Variants in NRK observed in about 807,000 individuals in gnomAD.
NRK encodes the protein nik-related protein kinase.
In NRK, 67 loss-of-function variants were observed where a neutral mutation model predicts 125.2. The observed-to-expected ratio is 0.54, with a 90% CI of 0.44 to 0.66. The LOEUF (loss-of-function observed/expected upper bound fraction) is 0.66. NRK is among the 30% of genes least tolerant of loss of function. The pLI, the probability that NRK is intolerant of heterozygous loss-of-function variation, is 0.00. For synonymous variants in NRK, 458 were observed against 429.0 expected (o/e 1.07, Z -0.84); for missense variants, 1,224 against 1,192.9 (o/e 1.03, Z -0.38).
intron 2 of NRK, among the ~76,000 whole-genome samples, chrX:105,877,098 T>C (rs1033581191): frequency 1.8e-5 from 2 of 111,942 alleles, no homozygotes; most frequent in African/African-American, 3.2e-5. Flanking sequence ...AGATATCATG[T>C]ACCCCTGATA....
intron 14 of NRK, among the ~76,000 whole-genome samples, chrX:105,913,727 G>A (rs2040330538): frequency 9.0e-6 from 1 of 110,974 alleles, no homozygotes; most frequent in South Asian, 3.7e-4. Flanking sequence ...CAAAAATATT[G>A]TACATTAAAA....
intron 2 of NRK, among the ~76,000 whole-genome samples, chrX:105,831,869 C>T (rs2039197693): frequency 8.9e-6 from 1 of 111,906 alleles, no homozygotes; most frequent in Non-Finnish European, 1.9e-5. Flanking sequence ...AATGTACAGA[C>T]TTTTGTTCTT....
At chrX:105,926,973 T>C (rs367868659) in intron 19 of NRK, among the ~76,000 whole-genome samples, 15 of 111,563 alleles carry the variant, frequency 1.3e-4, no homozygotes, top group African/African-American at 4.9e-4. Context: ...AGGTCTTTTT[T>C]GGTTCCATGC....
At chrX:105,880,764 C>T (rs924169349) in intron 3 of NRK, among the ~76,000 whole-genome samples, 3 of 111,507 alleles carry the variant, frequency 2.7e-5, no homozygotes, top group East Asian at 2.8e-4. Context: ...TAATTGGCAC[C>T]GTTCCTGGTA....
chrX:105,890,454 A>G (rs2040002802), intron 5 of NRK, among the ~76,000 whole-genome samples: 1 of 112,194 alleles, frequency 8.9e-6, no homozygotes, highest in Non-Finnish European at 1.9e-5. Context: ...CTCTACTGAC[A>G]CTAATTTATT....
At chrX:105,888,529 A>T (rs959161289) in intron 5 of NRK, 110 bp downstream of exon 5, 2 of 630,360 alleles carry the variant, frequency 3.2e-6, no homozygotes, top group African/African-American at 4.6e-5. Context: ...TTAGCACACA[A>T]CTGTTAAGGT....
At chrX:105,885,282 C>T (rs2039929374) in intron 4 of NRK, among the ~76,000 whole-genome samples, 1 of 111,894 alleles carries the variant, frequency 8.9e-6, no homozygotes, top group African/African-American at 3.2e-5. Flanking sequence ...AGTACAGAAT[C>T]ACTTCCTGAG....
intron 28 of NRK, among the ~76,000 whole-genome samples, chrX:105,953,436 CATT>C (rs1442165239): frequency 1.8e-5 from 2 of 111,702 alleles, no homozygotes; most frequent in Non-Finnish European, 3.8e-5. Context: ...AAAGCTTAGC[CATT>C]ATTTTATTTG....
rs769090949 is a variant in NRK, at chrX:105,895,426, T to G, written c.490-7T>G. The G allele has an allele frequency of 8.6e-7, 1 of 1,167,921 alleles. No homozygotes were observed. Among genetic ancestry groups the G allele is most frequent in the Non-Finnish European group, 1.2e-6 (1 of 858,181 alleles). On this transcript the variant is annotated splice_region_variant and splice_polypyrimidine_tract_variant and intron_variant, in intron 6 of 28. Transcript: ENST00000243300. ...TACTGATGTGGCTTTTTAAAAAATA[T>G]ATACAGGGCTTAGCTCACCTTCACG...
intron 16 of NRK, 117 bp from the exon 17 acceptor site, chrX:105,921,847 A>G: frequency 5.3e-6 from 2 of 374,665 alleles, no homozygotes; most frequent in East Asian, 8.0e-5. Context: ...TGGAATCATA[A>G]AAATGACCAA....
rs2039117161 is a variant in NRK, at chrX:105,826,676, G to A, written c.57+3774G>A. On this transcript the variant is annotated intron_variant, in intron 1 of 28. Transcript: ENST00000243300. Reference sequence around the variant, plus strand: ...CAAAAACTATATTTGAAATACATTAGGCTTATATTTAAATATAACTGCCAG... The same window carrying A: ...CAAAAACTATATTTGAAATACATTAAGCTTATATTTAAATATAACTGCCAG... Among the ~76,000 whole-genome samples the A allele has an allele frequency of 2.8e-5, 3 of 108,653 alleles. No individual in the cohort carries two copies. The South Asian group carries it at 1.2e-3, about 42-fold the overall frequency. 94.4% of individuals were successfully genotyped at this position (108,653 alleles called of 115,157 possible). A position where few individuals can be genotyped will look rare whatever the true frequency, so the allele number is the denominator to read the frequency against.
intron 5 of NRK, among the ~76,000 whole-genome samples, chrX:105,892,198 TA>T (rs1403390090): frequency 1.8e-5 from 2 of 111,973 alleles, no homozygotes; most frequent in African/African-American, 6.5e-5. Context: ...ATCACACACA[TA>T]AATGTATAAT....
intron 4 of NRK, among the ~76,000 whole-genome samples, chrX:105,886,542 G>A (rs1231768119): frequency 9.7e-6 from 1 of 103,409 alleles, no homozygotes; most frequent in South Asian, 4.2e-4. Context: ...GTGTATGTGT[G>A]TGTGTGTGTT....
intron 2 of NRK, among the ~76,000 whole-genome samples, chrX:105,861,414 G>C: frequency 8.9e-6 from 1 of 112,018 alleles, no homozygotes; most frequent in East Asian, 2.8e-4. Context: ...TTGGTTATTT[G>C]GGCCTTTAAT....
intron 27 of NRK, among the ~76,000 whole-genome samples, chrX:105,951,408 T>G: frequency 9.0e-6 from 1 of 111,309 alleles, no homozygotes; most frequent in East Asian, 2.8e-4. Context: ...TGCTAGAATT[T>G]GAAAGACAGC....
chrX:105,924,579 A>G lies in NRK; in HGVS notation c.2976-116A>G, dbSNP rs2040498132. On this transcript the variant is annotated intron_variant, in intron 18 of 28. Transcript: ENST00000243300. ...CCAGTAGTGTTCACATAGAACAAAG[A>G]CAAGCCTGGGCATGGTAGATATGTA... 6.9e-6 allele frequency: 4 copies of G among 578,862 alleles called. No homozygotes were observed. The South Asian group carries it at 1.2e-4, about 18-fold the overall frequency. 47.7% of individuals were successfully genotyped at this position (578,862 alleles called of 1,213,427 possible).
chrX:105,935,747 C>G (rs755064598), intron 21 of NRK, among the ~76,000 whole-genome samples: 2 of 107,658 alleles, frequency 1.9e-5, no homozygotes, highest in East Asian at 5.8e-4. Context: ...GCAGAGATCA[C>G]GCCACTGCAC....
chrX:105,871,128 A>G (rs971341350), intron 2 of NRK, among the ~76,000 whole-genome samples: 6 of 111,781 alleles, frequency 5.4e-5, no homozygotes, highest in African/African-American at 1.9e-4. Context: ...GGAAGCATGG[A>G]TGAACATTAA....
Position 105,909,857 on chromosome X carries a change from A to G in NRK, c.2216A>G (p.Glu739Gly), listed in dbSNP as rs771673426. 6 of 1,145,189 alleles carry G rather than the reference A, an allele frequency of 5.2e-6. No individual in the cohort carries two copies. The highest frequency in any genetic ancestry group is 5.8e-6 in the Non-Finnish European group (5 of 860,382). The allele number at this position is 1,145,189 out of a possible 1,213,427, so 94.4% of individuals were successfully genotyped here. ...RRWEDIFNQHEEELRQVDKDK... is the reference protein window; with the variant it reads ...RRWEDIFNQHGEELRQVDKDK... ...TGGGAAGATATCTTTAATCAGCATG[A>G]GGAAGAATTGAGACAAGTTGATAAA... is the stretch of plus-strand genomic sequence containing the variant. The change falls in exon 13 of 29, where the codon GAG becomes GGG. Residue 739 changes from glutamate to glycine, a missense_variant. Physicochemically the swap from Glu to Gly is moderately conservative, Grantham distance 98 (BLOSUM62 -2). Transcript: ENST00000243300.
Sources: allele counts gnomAD v4.1 joint callset (sites outside exome capture counted in the v4.1 genomes callset), GRCh38; gene constraint gnomAD v4.1.1; transcripts MANE v1.5; gene names NCBI Gene and HGNC (gene_info 2026-07-23, HGNC 2026-07-21).